Variants in MOB1A observed in about 807,000 individuals in gnomAD.
The protein encoded by MOB1A is MOB1 Mps One Binder homolog A.
A neutral mutation model predicts 25.1 loss-of-function variants in MOB1A; 10 were observed. The observed-to-expected ratio is 0.40, with a 90% CI of 0.25 to 0.68. The LOEUF (loss-of-function observed/expected upper bound fraction) is 0.68. Among genes scored for constraint, MOB1A ranks in the 30% least tolerant of loss-of-function variants. MOB1A has a pLI of 0.40. For synonymous variants in MOB1A, 81 were observed against 79.5 expected (o/e 1.02, Z -0.10); for missense variants, 177 against 256.3 (o/e 0.69, Z 2.11).
rs977243762 is a variant in MOB1A at position 74,176,135 on chromosome 2, G to A, written c.14+2526C>T. Among the ~76,000 whole-genome samples the A allele has an allele frequency of 6.3e-5, 9 of 143,692 alleles. No individual in the cohort carries two copies. In the East Asian group the frequency reaches 1.6e-3, roughly 26 times the overall value. 94.3% of individuals were successfully genotyped at this position (143,692 alleles called of 152,430 possible). A position where few individuals can be genotyped will look rare whatever the true frequency, so the allele number is the denominator to read the frequency against. On this transcript the variant is annotated intron_variant, in intron 1 of 5. Coordinates refer to ENST00000396049, the MANE Select transcript of MOB1A (RefSeq NM_018221.5). ...ACACACACACACACAAACTAGCCGG[G>A]CGTGGTGGCAAGTGCCTGTAATCCC...
Position 74,178,684 on chromosome 2 carries a change from TCA to T in MOB1A, c.-12_-11del, listed in dbSNP as rs1693549889. 7.5e-7 allele frequency: 1 copy of T among 1,336,024 alleles called. No homozygotes were observed. The allele number at this position is 1,336,024 out of a possible 1,614,324, so 82.8% of individuals were successfully genotyped here. On this transcript the variant is annotated 5_prime_UTR_variant, in exon 1 of 6. Transcript: ENST00000396049. ...ACAAGAGGAAGCTCATCTTCGGTCC[TCA>T]GAGGGGAGGCGAGGGGCCCCTGGCC...
At chr2:74,173,376 G>GTTTTTTT (rs35382378) in intron 1 of MOB1A, among the ~76,000 whole-genome samples, 12 of 93,328 alleles carry the variant, frequency 1.3e-4, no homozygotes, top group South Asian at 3.9e-4. Flanking sequence ...CTCAATTTCG[G>GTTTTTTT]TTTTTTTTTT....
rs1692803767 is a variant in MOB1A, at chr2:74,156,310, A to G, written c.*258T>C. ...TTATAAGCTACAGGTTAACCATCAC[A>G]TATTACAACCAAGTATGACTATGTG... is the stretch of plus-strand genomic sequence containing the variant. On this transcript the variant is annotated 3_prime_UTR_variant, in exon 6 of 6. Transcript: ENST00000396049. 5.1e-6 allele frequency: 2 copies of G among 395,834 alleles called. No individual in the cohort carries two copies. Among genetic ancestry groups the G allele is most frequent in the African/African-American group, 2.1e-5 (1 of 47,514 alleles). The allele number at this position is 395,834 out of a possible 1,614,324, so 24.5% of individuals were successfully genotyped here.
In MOB1A at chr2:74,156,595, T is replaced by C; in HGVS notation, c.624A>G (p.Ile208Met). ...RRELAPLQEL[I>M]EKLGSKDR Reference sequence around the variant, plus strand: ...ATCTGTCTTTTGATCCAAGTTTCTCTATTAATTCTTGAAGAGGTGCCAGCT... The same window carrying C: ...ATCTGTCTTTTGATCCAAGTTTCTCCATTAATTCTTGAAGAGGTGCCAGCT... The change falls in exon 6 of 6, where the codon ATA (isoleucine) becomes ATG (methionine). Residue 208 changes from isoleucine (I) to methionine (M), a missense_variant. By Grantham distance (10) the Ile-to-Met change is conservative. Transcript: ENST00000396049. 6.4e-7 allele frequency: 1 copy of C among 1,555,178 alleles called. No homozygotes were observed. The highest frequency in any genetic ancestry group is 8.7e-7 in the Non-Finnish European group (1 of 1,148,350).
chr2:74,156,764 A>C, intron 5 of MOB1A, 119 bp from the exon 6 acceptor site: 2 of 686,750 alleles, frequency 2.9e-6, no homozygotes, highest in Non-Finnish European at 4.9e-6. Flanking sequence ...TGATGAAATA[A>C]CCTCTGTGAA....
rs1558830937 is a variant in MOB1A, at chr2:74,159,241, G to C, written c.423C>G (p.Pro141=). ...TCTTTGCCACAGACATAAAGTTTTT[G>C]GGAAATGGGACACCTGCAATTAAAT... The part of the protein sequence containing the change: ...LFPSKIGVPF[P]KNFMSVAKTI... The change falls in exon 5 of 6, where the codon CCC becomes CCG. Residue 141 remains proline, a synonymous_variant. Transcript: ENST00000396049. 1 of 1,612,834 alleles carries C rather than the reference G, an allele frequency of 6.2e-7. No homozygotes were observed. The highest frequency in any genetic ancestry group is 8.5e-7 in the Non-Finnish European group (1 of 1,179,594).
rs1334057794 is a variant in MOB1A, at chr2:74,153,452, G to A, written c.*3116C>T. ...TTACCTTTGTTACTAAAGTCATGGT[G>A]AATACAGATTTTGCATTTCTCATGT... On this transcript the variant is annotated 3_prime_UTR_variant, in exon 6 of 6. Transcript: ENST00000396049. 2 of 152,094 alleles carry A rather than the reference G, an allele frequency of 1.3e-5. No homozygotes were observed. Among genetic ancestry groups the A allele is most frequent in the African/African-American group, 2.4e-5 (1 of 41,410 alleles). 9.4% of individuals were successfully genotyped at this position (152,094 alleles called of 1,614,324 possible).
At chr2:74,156,725 C>A in intron 5 of MOB1A, 80 bp from the exon 6 acceptor site, 2 of 988,274 alleles carry the variant, frequency 2.0e-6, no homozygotes, top group Non-Finnish European at 1.5e-6. Context: ...AAGGGATTCC[C>A]AACTCTAGTT....
At chr2:74,157,454 G>C (rs564014955) in intron 5 of MOB1A, among the ~76,000 whole-genome samples, 1 of 152,038 alleles carries the variant, frequency 6.6e-6, no homozygotes, top group Admixed American at 6.5e-5. Flanking sequence ...TTCTATAAGC[G>C]GCTCTAGCAA....
Position 74,172,585 on chromosome 2 carries a change from C to A in MOB1A, c.181+1G>T. The A allele has an allele frequency of 6.3e-7, 1 of 1,599,054 alleles. No individual in the cohort carries two copies. The highest frequency in any genetic ancestry group is 8.5e-7 in the Non-Finnish European group (1 of 1,175,822). On this transcript the variant is annotated splice_donor_variant, in intron 2 of 5. Transcript: ENST00000396049. LOFTEE classifies it high-confidence loss of function. The stretch of plus-strand genomic sequence containing the variant: ...CAGCAAAGTTACATTTTAAAACTTA[C>A]TGTTCACAGCAATCCATTCATTGAG...
At chr2:74,158,119 G>A (rs2103689281) in intron 5 of MOB1A, among the ~76,000 whole-genome samples, 1 of 147,856 alleles carries the variant, frequency 6.8e-6, no homozygotes, top group Admixed American at 6.8e-5. Context: ...GGCAAAGGTT[G>A]CAGTTAGCCG....
At chr2:74,174,458 C>G (rs1441472765) in intron 1 of MOB1A, among the ~76,000 whole-genome samples, 1 of 151,902 alleles carries the variant, frequency 6.6e-6, no homozygotes, top group Non-Finnish European at 1.5e-5. Flanking sequence ...GAAAATGGCG[C>G]AGGGAGGTTT....
At chr2:74,166,301 G>A (rs999064662) in intron 3 of MOB1A, among the ~76,000 whole-genome samples, 3 of 151,528 alleles carry the variant, frequency 2.0e-5, no homozygotes, top group African/African-American at 7.3e-5. Context: ...TACTAAATAA[G>A]CACAAGAAAA....
intron 1 of MOB1A, 42 bp from the exon 2 acceptor site, chr2:74,172,794 G>A: frequency 6.4e-7 from 1 of 1,570,972 alleles, no homozygotes; most frequent in South Asian, 1.1e-5. Flanking sequence ...TTTAAGACTG[G>A]AAGTAGAACA....
rs763243857 is a variant in MOB1A at position 74,165,348 on chromosome 2, A to G, written c.279T>C (p.Tyr93=). 1.4e-5 allele frequency: 21 copies of G among 1,501,270 alleles called. No individual in the cohort carries two copies. Among genetic ancestry groups the G allele is most frequent in the African/African-American group, 4.2e-5 (3 of 70,778 alleles). 93.0% of individuals were successfully genotyped at this position (1,501,270 alleles called of 1,614,324 possible). ...SCPVMSAGPR[Y]EYHWADGTNI... is the part of the protein sequence containing the mutation. Reference sequence around the variant, plus strand: ...TAGTACCATCTGCCCAGTGATATTCATATCTGAAGAGAAAAATGTTTTACT... The same window carrying G: ...TAGTACCATCTGCCCAGTGATATTCGTATCTGAAGAGAAAAATGTTTTACT... Residue 93 remains tyrosine (Y), a synonymous_variant, in exon 4 of 6, where the codon TAT becomes TAC. Coordinates refer to ENST00000396049, the MANE Select transcript of MOB1A (RefSeq NM_018221.5).
At position 74,159,076 on chromosome 2, in the gene MOB1A, C is replaced by T; in HGVS notation, c.573+15G>A. ...CCAAGTCACAGGACACAGAAATCAACATGGATCAACTTACCTGAACAAAGA... is the reference window on the plus strand; with the variant it reads ...CCAAGTCACAGGACACAGAAATCAATATGGATCAACTTACCTGAACAAAGA... On this transcript the variant is annotated intron_variant, in intron 5 of 5. Coordinates refer to ENST00000396049, the MANE Select transcript of MOB1A (RefSeq NM_018221.5). 2 of 1,612,770 alleles carry T rather than the reference C, an allele frequency of 1.2e-6. No homozygotes were observed. Among genetic ancestry groups the T allele is most frequent in the Non-Finnish European group, 1.7e-6 (2 of 1,179,422 alleles).
intron 5 of MOB1A, 144 bp from the exon 6 acceptor site, chr2:74,156,789 C>A: frequency 1.6e-6 from 1 of 625,196 alleles, no homozygotes; most frequent in Non-Finnish European, 2.8e-6. Context: ...TTAAAGTAGG[C>A]ATTTATTCTT....
chr2:74,162,644 T>C (rs1032585060), intron 4 of MOB1A, among the ~76,000 whole-genome samples: 8 of 152,000 alleles, frequency 5.3e-5, no homozygotes, highest in African/African-American at 1.5e-4. Flanking sequence ...AATAAAGATA[T>C]ATGAGAAAGG....
In MOB1A at chr2:74,154,542, G is replaced by C. The variant is rs960522944; in HGVS notation, c.*2026C>G. ...GCTTTGGAGCTTAGTGGTGAAGAGA[G>C]GGAACATTTCCATAACTGAAAATAA... On this transcript the variant is annotated 3_prime_UTR_variant, in exon 6 of 6. Transcript: ENST00000396049. 1 of 152,116 alleles carries C rather than the reference G, an allele frequency of 6.6e-6. No homozygotes were observed. The allele number at this position is 152,116 out of a possible 1,614,324, so 9.4% of individuals were successfully genotyped here.
Sources: gnomAD v4.1 joint callset for allele counts (sites outside exome capture counted in the v4.1 genomes callset) on GRCh38, gnomAD v4.1.1 for gene constraint, MANE v1.5 for transcripts, NCBI Gene and HGNC (gene_info 2026-07-23, HGNC 2026-07-21) for gene names.